Variants in FSTL4 observed in about 807,000 individuals in gnomAD.
The protein encoded by FSTL4 is follistatin-related protein 4.
In FSTL4, 28 loss-of-function variants were observed where a neutral mutation model predicts 78.2. That is an observed-to-expected ratio of 0.36 (90% CI 0.27 to 0.49). FSTL4 has a LOEUF of 0.49. Among genes scored for constraint, FSTL4 ranks in the 20% least tolerant of loss-of-function variants. FSTL4 has a pLI of 0.98. For synonymous variants in FSTL4, 422 were observed against 440.5 expected, an observed-to-expected ratio of 0.96 and a Z score of 0.53; for missense variants, 922 against 1,084.9, an observed-to-expected ratio of 0.85 and a Z score of 2.11.
chr5:133,761,553 T>A, the FSTL4 span, among the ~76,000 whole-genome samples: 1 of 152,230 alleles, frequency 6.6e-6, no homozygotes, highest in African/African-American at 2.4e-5. Flanking sequence ...CGTTTGCTTC[T>A]TCCAGACTTC....
At chr5:133,511,985 C>T (rs1422064109) in intron 3 of FSTL4, among the ~76,000 whole-genome samples, 1 of 152,144 alleles carries the variant, frequency 6.6e-6, no homozygotes, top group East Asian at 1.9e-4. Flanking sequence ...CATGGCTCCA[C>T]CATGTTTGTA....
chr5:133,284,169 T>C (rs1200940310), intron 6 of FSTL4, among the ~76,000 whole-genome samples: 2 of 152,186 alleles, frequency 1.3e-5, no homozygotes, highest in Non-Finnish European at 2.9e-5. Context: ...TCTCCACAGA[T>C]GTGGGAGGGG....
chr5:133,651,909 G>T, the FSTL4 span, among the ~76,000 whole-genome samples: 1 of 152,024 alleles, frequency 6.6e-6, no homozygotes, highest in South Asian at 2.1e-4. Flanking sequence ...ATCCATCTGG[G>T]CCTAGCGTTT....
intron 3 of FSTL4, among the ~76,000 whole-genome samples, chr5:133,418,681 A>G (rs1756629290): frequency 6.6e-6 from 1 of 152,360 alleles, no homozygotes; most frequent in East Asian, 1.9e-4. Flanking sequence ...TTGAATAAGG[A>G]GAGTGACTGA....
At chr5:133,692,391 G>A in the FSTL4 span, among the ~76,000 whole-genome samples, 1 of 152,208 alleles carries the variant, frequency 6.6e-6, no homozygotes, top group African/African-American at 2.4e-5. Context: ...GCAGGGGTGT[G>A]ATGTGATCAG....
At chr5:133,806,799 T>C in the FSTL4 span, among the ~76,000 whole-genome samples, 1 of 152,190 alleles carries the variant, frequency 6.6e-6, no homozygotes. Context: ...AACTGCTTAT[T>C]TTCTGAAGCA....
At chr5:133,506,440 G>C (rs1453891808) in intron 3 of FSTL4, among the ~76,000 whole-genome samples, 1 of 152,130 alleles carries the variant, frequency 6.6e-6, no homozygotes, top group Admixed American at 6.6e-5. Context: ...AGCTCCACTC[G>C]AGAGGAATGA....
chr5:133,779,163 C>A, the FSTL4 span, among the ~76,000 whole-genome samples: 1 of 152,186 alleles, frequency 6.6e-6, no homozygotes, highest in African/African-American at 2.4e-5. Flanking sequence ...AAATCCCAAT[C>A]CCATCTCCTT....
rs1301219023 is a variant in FSTL4, at chr5:133,365,407, G to GGGAC, written c.409+35327_409+35330dup. Among the ~76,000 whole-genome samples the GGGAC allele has an allele frequency of 5.3e-5, 8 of 152,146 alleles. No individual in the cohort carries two copies. In the East Asian group the frequency reaches 1.5e-3, roughly 29 times the overall value. ...TCTCCAGCCAAGTTGCTGAGCCAGG[G>GGGAC]GGACCACCCAGGCAGGTCCAGATGG... On this transcript the variant is annotated intron_variant, in intron 4 of 15. Coordinates refer to ENST00000265342, the MANE Select transcript of FSTL4 (RefSeq NM_015082.2).
the FSTL4 span, among the ~76,000 whole-genome samples, chr5:133,745,431 T>G: frequency 2.0e-5 from 3 of 152,252 alleles, no homozygotes; most frequent in Non-Finnish European, 4.4e-5. Flanking sequence ...CAGAAGCTGC[T>G]GGTGGGGGGT....
intron 4 of FSTL4, among the ~76,000 whole-genome samples, chr5:133,384,951 C>T (rs1427976783): frequency 3.9e-5 from 6 of 152,206 alleles, no homozygotes; most frequent in Non-Finnish European, 7.4e-5. Context: ...GACTCCCCTC[C>T]TCTTTCTCTA....
At chr5:133,371,551 CA>C (rs1755300694) in intron 4 of FSTL4, among the ~76,000 whole-genome samples, 1 of 152,176 alleles carries the variant, frequency 6.6e-6, no homozygotes, top group African/African-American at 2.4e-5. Flanking sequence ...ACTTGTCTGG[CA>C]CAACACAAGA....
At chr5:133,330,008 C>G (rs1042705858) in intron 4 of FSTL4, among the ~76,000 whole-genome samples, 25 of 152,288 alleles carry the variant, frequency 1.6e-4, no homozygotes, top group Middle Eastern at 6.8e-3. Flanking sequence ...GAATCATTCA[C>G]CATTTTGGAG....
chr5:133,360,931 T>C (rs972386891), intron 4 of FSTL4, among the ~76,000 whole-genome samples: 1 of 152,236 alleles, frequency 6.6e-6, no homozygotes, highest in Non-Finnish European at 1.5e-5. Context: ...GCATTTACCG[T>C]GTATTCCTAA....
chr5:133,652,864 G>A, the FSTL4 span, among the ~76,000 whole-genome samples: 3 of 152,172 alleles, frequency 2.0e-5, no homozygotes, highest in Non-Finnish European at 4.4e-5. Flanking sequence ...GATCAATTAA[G>A]AGAAGTAACT....
chr5:133,661,016 A>C, the FSTL4 span, among the ~76,000 whole-genome samples: 1 of 152,028 alleles, frequency 6.6e-6, no homozygotes, highest in Admixed American at 6.5e-5. Context: ...TTTGAGATGG[A>C]GTCTTGCTCT....
the FSTL4 span, among the ~76,000 whole-genome samples, chr5:133,627,959 A>C: frequency 3.3e-5 from 5 of 152,084 alleles, no homozygotes; most frequent in African/African-American, 9.7e-5. Flanking sequence ...TGCTTTAAGA[A>C]TTACATTATA....
chr5:133,818,336 C>T, the FSTL4 span, among the ~76,000 whole-genome samples: 15 of 152,310 alleles, frequency 9.8e-5, no homozygotes, highest in Admixed American at 3.3e-4. Context: ...TCACAGAGCC[C>T]AGCTGCAGGC....
chr5:133,549,257 C>T (rs1759644601), intron 3 of FSTL4, among the ~76,000 whole-genome samples: 2 of 152,138 alleles, frequency 1.3e-5, no homozygotes, highest in South Asian at 4.1e-4. Flanking sequence ...CTCCTTGCCT[C>T]CTAACCTTGA....
Sources: gnomAD v4.1 joint callset for allele counts (sites outside exome capture counted in the v4.1 genomes callset) on GRCh38, gnomAD v4.1.1 for gene constraint, MANE v1.5 for transcripts, NCBI Gene and HGNC (gene_info 2026-07-23, HGNC 2026-07-21) for gene names.